The following MECOM variants were observed in gnomAD, a reference collection of about 807,000 sequenced individuals.
MECOM encodes MDS1 and EVI1 complex locus.
MECOM carries 13 observed loss-of-function variants against 116.3 expected under a neutral mutation model. That is an observed-to-expected ratio of 0.11 (90% CI 0.07 to 0.18). The LOEUF is 0.18. Ranked by LOEUF, MECOM falls within the 10% of genes least tolerant of loss-of-function variation. The pLI, the probability that MECOM is intolerant of heterozygous loss-of-function variation, is 1.00. For synonymous variants in MECOM, 528 were observed against 535.2 expected, an observed-to-expected ratio of 0.99 and a Z score of 0.19; for missense variants, 1,299 against 1,509.0, an observed-to-expected ratio of 0.86 and a Z score of 2.31.
intron 4 of MECOM, among the ~76,000 whole-genome samples, chr3:169,129,913 TAGAG>T (rs1734099416): frequency 6.6e-6 from 1 of 152,202 alleles, no homozygotes; most frequent in East Asian, 1.9e-4. Context: ...TGAGACAATA[TAGAG>T]AGAGTATATA....
chr3:169,240,938 T>G lies in MECOM; in HGVS notation c.376-97106A>C, dbSNP rs537647610. ...AGCACAATGAAATTGTAATGCCCTC[T>G]CCGTGTGGACCTGGATTATTTCAGC... On this transcript the variant is annotated intron_variant, in intron 2 of 16. Transcript: ENST00000651503. Among the ~76,000 whole-genome samples the G allele has an allele frequency of 1.5e-3, 231 of 152,242 alleles. 1 individual carries two copies. The highest frequency in any genetic ancestry group is 3.4e-3 in the Middle Eastern group (1 of 294).
At chr3:169,301,492 A>G (rs1030248084) in intron 2 of MECOM, among the ~76,000 whole-genome samples, 7 of 152,316 alleles carry the variant, frequency 4.6e-5, no homozygotes, top group African/African-American at 9.6e-5. Flanking sequence ...GGCATGTCCT[A>G]TGATTTTACT....
intron 5 of MECOM, among the ~76,000 whole-genome samples, chr3:169,126,840 G>A (rs1733043514): frequency 6.6e-6 from 1 of 152,014 alleles, no homozygotes; most frequent in Non-Finnish European, 1.5e-5. Flanking sequence ...ATCCAGGAAA[G>A]AAGGAAAGGA....
intron 1 of MECOM, among the ~76,000 whole-genome samples, chr3:169,436,516 C>T (rs770399487): frequency 2.0e-5 from 3 of 152,134 alleles, no homozygotes; most frequent in Non-Finnish European, 4.4e-5. Flanking sequence ...TCCCAAATTG[C>T]TGGGATAACA....
chr3:169,580,343 C>T (rs1285926580), intron 1 of MECOM, among the ~76,000 whole-genome samples: 1 of 152,110 alleles, frequency 6.6e-6, no homozygotes, highest in African/African-American at 2.4e-5. Flanking sequence ...GTACGCTGTA[C>T]CCAATGTGTA....
chr3:169,312,857 G>A (rs776541220), intron 2 of MECOM, among the ~76,000 whole-genome samples: 1 of 152,194 alleles, frequency 6.6e-6, no homozygotes, highest in African/African-American at 2.4e-5. Context: ...GGAATTAAAG[G>A]GAGAGATCTG....
intron 2 of MECOM, among the ~76,000 whole-genome samples, chr3:169,282,639 TA>T (rs549274752): frequency 1.2e-3 from 178 of 152,276 alleles, no homozygotes; most frequent in African/African-American, 4.1e-3. Context: ...CCATTCACAG[TA>T]AAAGGCCAAA....
intron 2 of MECOM, among the ~76,000 whole-genome samples, chr3:169,240,142 C>T (rs998805944): frequency 1.3e-5 from 2 of 152,128 alleles, no homozygotes; most frequent in Non-Finnish European, 2.9e-5. Flanking sequence ...TGTCTGAATA[C>T]CATCTATCTC....
rs34865565 is a variant in MECOM, at chr3:169,215,242, C to CTTT, written c.376-71413_376-71411dup. 4.0e-3 allele frequency among the ~76,000 whole-genome samples: 554 copies of CTTT among 138,154 alleles called. 4 individuals are homozygous for CTTT. The highest frequency in any genetic ancestry group is 0.014 in the East Asian group (69 of 4,880). 90.6% of individuals were successfully genotyped at this position (138,154 alleles called of 152,430 possible). A position where few individuals can be genotyped will look rare whatever the true frequency, so the allele number is the denominator to read the frequency against. ...GTCTTTTTTTTCCCCCTCCTCTTTC[C>CTTT]TTTTTTTTTTTTTTTAAAAAAGCAG... On this transcript the variant is annotated intron_variant, in intron 2 of 16. Coordinates refer to ENST00000651503, the MANE Select transcript of MECOM (RefSeq NM_004991.4).
chr3:169,429,255 G>A (rs1254564163), intron 1 of MECOM, among the ~76,000 whole-genome samples: 1 of 152,142 alleles, frequency 6.6e-6, no homozygotes, highest in Non-Finnish European at 1.5e-5. Flanking sequence ...ATTCAATCAA[G>A]CTTCCTATTA....
intron 1 of MECOM, chr3:169,623,754 A>G (rs984634383): frequency 2.0e-5 from 3 of 152,010 alleles, no homozygotes; most frequent in Admixed American, 6.6e-5. Context: ...CAAAAAAACA[A>G]AAACACCAAT....
intron 2 of MECOM, among the ~76,000 whole-genome samples, chr3:169,282,959 G>A (rs937479492): frequency 1.3e-5 from 2 of 151,384 alleles, no homozygotes; most frequent in African/African-American, 4.9e-5. Flanking sequence ...CCTTTTTTAC[G>A]GTAATTTCTA....
At chr3:169,466,135 C>T (rs552541313) in intron 1 of MECOM, among the ~76,000 whole-genome samples, 7 of 152,298 alleles carry the variant, frequency 4.6e-5, no homozygotes, top group Middle Eastern at 3.4e-3. Flanking sequence ...GAATCCCTGG[C>T]CATCCGTTAC....
At chr3:169,122,769 T>G in intron 5 of MECOM, 42 bp from the exon 6 acceptor site, 1 of 1,599,056 alleles carries the variant, frequency 6.3e-7, no homozygotes, top group Non-Finnish European at 8.6e-7. Flanking sequence ...AAGGATGCAT[T>G]CATAAACGGA....
intron 1 of MECOM, 59 bp from the exon 2 acceptor site, chr3:169,381,583 A>G: frequency 7.8e-7 from 1 of 1,276,978 alleles, no homozygotes; most frequent in South Asian, 1.5e-5. Context: ...AAAATTCCAC[A>G]GGGGTAGCCA....
At chr3:169,634,453 C>T (rs1410715698) in intron 1 of MECOM, among the ~76,000 whole-genome samples, 1 of 152,190 alleles carries the variant, frequency 6.6e-6, no homozygotes, top group East Asian at 1.9e-4. Flanking sequence ...CTTACTAACT[C>T]AGACCATCTA....
At position 169,127,816 on chromosome 3, in the gene MECOM, TTGTATGGTACAACA is replaced by T; in HGVS notation, c.830+14_830+27del. On this transcript the variant is annotated intron_variant, in intron 5 of 16. Coordinates refer to ENST00000651503, the MANE Select transcript of MECOM (RefSeq NM_004991.4). Reference sequence around the variant, plus strand: ...TAACATTGCAGAAAAAATACACAAGTTGTATGGTACAACATGCCATTTCTAACCTTTGCAAATCA... The same window carrying T: ...TAACATTGCAGAAAAAATACACAAGTTGCCATTTCTAACCTTTGCAAATCA... 1 of 1,591,016 alleles carries T rather than the reference TTGTATGGTACAACA, an allele frequency of 6.3e-7. No homozygotes were observed. The highest frequency in any genetic ancestry group is 8.6e-7 in the Non-Finnish European group (1 of 1,159,798).
intron 1 of MECOM, among the ~76,000 whole-genome samples, chr3:169,524,467 G>C (rs1399834862): frequency 6.6e-6 from 1 of 152,186 alleles, no homozygotes; most frequent in Non-Finnish European, 1.5e-5. Context: ...TGCAAGCATG[G>C]ACACTCTTTT....
chr3:169,575,150 C>T (rs945877134), intron 1 of MECOM, among the ~76,000 whole-genome samples: 5 of 152,134 alleles, frequency 3.3e-5, no homozygotes, highest in Non-Finnish European at 7.4e-5. Context: ...AAAAACCTCT[C>T]GAATAGAACC....
Sources: gnomAD v4.1 joint callset for allele counts (sites outside exome capture counted in the v4.1 genomes callset) on GRCh38, gnomAD v4.1.1 for gene constraint, MANE v1.5 for transcripts, NCBI Gene and HGNC (gene_info 2026-07-23, HGNC 2026-07-21) for gene names.